Variants in INTS4 observed in about 807,000 individuals in gnomAD.
INTS4 encodes MSTP093.
In INTS4, 70 loss-of-function variants were observed where a neutral mutation model predicts 119.5. The observed-to-expected ratio is 0.59, with a 90% CI of 0.48 to 0.71. The LOEUF (loss-of-function observed/expected upper bound fraction) is 0.71. INTS4 is among the 30% of genes least tolerant of loss of function. The pLI is 0.00. For missense variants in INTS4, 867 were observed against 1,173.2 expected, an observed-to-expected ratio of 0.74 and a Z score of 3.81; for synonymous variants, 316 against 419.6, an observed-to-expected ratio of 0.75 and a Z score of 3.02.
intron 8 of INTS4, 54 bp downstream of exon 8, chr11:77,955,887 GA>G (rs1253584655): frequency 3.3e-5 from 50 of 1,517,556 alleles, no homozygotes; most frequent in Non-Finnish European, 4.5e-5. Flanking sequence ...CATTTCTACA[GA>G]AAAGAAAATA....
chr11:77,894,008 A>G lies in INTS4; in HGVS notation c.2288+282T>C, dbSNP rs575115181. ...AAACGTATTTACACGTTTTCTTCAT[A>G]TTACTTGTCTTTTTATGGCCTAGCT... On this transcript the variant is annotated intron_variant, in intron 19 of 22. Transcript: ENST00000534064. Among the ~76,000 whole-genome samples, 4 of 152,304 alleles carry G rather than the reference A, an allele frequency of 2.6e-5. No individual in the cohort carries two copies. The East Asian group carries it at 7.7e-4, about 29-fold the overall frequency.
At chr11:77,874,518 A>C (rs1012150820), downstream of INTS4, among the ~76,000 whole-genome samples, 18 of 152,188 alleles carry the variant, frequency 1.2e-4, no homozygotes, top group East Asian at 7.7e-4. Context: ...AGTATCTGTC[A>C]GTGACATTAT....
intron 18 of INTS4, 134 bp from the exon 19 acceptor site, chr11:77,894,483 A>G: frequency 1.8e-6 from 1 of 542,356 alleles, no homozygotes; most frequent in South Asian, 2.5e-5. Flanking sequence ...TAAAAGTAAC[A>G]GAAGACTCCT....
In INTS4 at chr11:77,918,932, A is replaced by G. The variant is rs1281740778; in HGVS notation, c.1811T>C (p.Ile604Thr). Residue 604 changes from isoleucine to threonine, a missense_variant, in exon 15 of 23, where the codon ATA (isoleucine) becomes ACA (threonine). Ile to Thr is a moderately conservative substitution (Grantham distance 89). This residue lies in a region of INTS4 where 262 missense variants were observed against 376.0 expected (regional missense o/e 0.70). Coordinates refer to ENST00000534064, the MANE Select transcript of INTS4 (RefSeq NM_033547.4). ...CTGCTGGGAAGGATCCTCTTGAGGT[A>G]TGATGCTGGGAGAAACAGCTGATGA... ...LVSSAVSPSI[I>T]PQEDPSQQFL... 2.0e-5 allele frequency: 33 copies of G among 1,613,858 alleles called. No homozygotes were observed. The highest frequency in any genetic ancestry group is 2.6e-5 in the Non-Finnish European group (31 of 1,179,874).
intron 15 of INTS4, among the ~76,000 whole-genome samples, chr11:77,917,863 C>T (rs1200248455): frequency 2.6e-5 from 4 of 151,714 alleles, no homozygotes; most frequent in African/African-American, 9.7e-5. Context: ...TTAGAGTCAT[C>T]GCATGTAAAC....
intron 14 of INTS4, among the ~76,000 whole-genome samples, chr11:77,919,799 T>C (rs1303418953): frequency 6.6e-6 from 1 of 152,206 alleles, no homozygotes. Flanking sequence ...ACTTTTCATT[T>C]TGTATCTACT....
intron 8 of INTS4, among the ~76,000 whole-genome samples, chr11:77,954,231 C>A (rs1213517213): frequency 2.0e-5 from 3 of 152,172 alleles, no homozygotes; most frequent in Non-Finnish European, 4.4e-5. Context: ...GGATAACTTA[C>A]TTAACTCCTC....
At chr11:77,944,627 G>C (rs1048042710) in intron 8 of INTS4, among the ~76,000 whole-genome samples, 1 of 152,160 alleles carries the variant, frequency 6.6e-6, no homozygotes, top group African/African-American at 2.4e-5. Flanking sequence ...GATGTTTGTC[G>C]ATTTGCTGAA....
intron 1 of INTS4, among the ~76,000 whole-genome samples, chr11:77,992,030 C>T (rs1856710391): frequency 6.6e-6 from 1 of 150,804 alleles, no homozygotes; most frequent in African/African-American, 2.4e-5. Context: ...TGCCATGTTA[C>T]CCAGGCTGGT....
intron 4 of INTS4, chr11:77,963,355 AAAAAAAAAAAAAAAAAAAAC>A (rs1471829509): frequency 3.0e-6 from 1 of 328,254 alleles, no homozygotes; most frequent in Admixed American, 4.6e-5. Context: ...TCCGTCTCAA[AAAAAAAAAAAAAAAAAAAAC>A]AAAAAAAACT....
chr11:77,919,089 GA>G, intron 14 of INTS4, 111 bp from the exon 15 acceptor site: 5 of 1,090,792 alleles, frequency 4.6e-6, no homozygotes, highest in Non-Finnish European at 5.4e-6. Flanking sequence ...AAACAAAGGG[GA>G]AAAAAGGCTA....
chr11:77,942,716 T>A (rs1953958146), intron 8 of INTS4, among the ~76,000 whole-genome samples: 2 of 152,172 alleles, frequency 1.3e-5, no homozygotes, highest in Admixed American at 1.3e-4. Flanking sequence ...GCAAAAAGAC[T>A]AGTTTCAGAG....
At chr11:77,974,163 C>T (rs866850418) in intron 4 of INTS4, among the ~76,000 whole-genome samples, 13 of 151,194 alleles carry the variant, frequency 8.6e-5, no homozygotes, top group African/African-American at 2.9e-4. Flanking sequence ...TAGTCATTTT[C>T]AGTAGTTTTT....
At chr11:77,875,678 A>C (rs1039122473), downstream of INTS4, among the ~76,000 whole-genome samples, 3 of 152,178 alleles carry the variant, frequency 2.0e-5, no homozygotes, top group African/African-American at 7.2e-5. Context: ...TAAATACTAT[A>C]CTATGTGTGA....
intron 1 of INTS4, 84 bp from the exon 2 acceptor site, chr11:77,991,383 C>T (rs1856682823): frequency 9.4e-7 from 1 of 1,059,712 alleles, no homozygotes; most frequent in African/African-American, 1.6e-5. Flanking sequence ...TCCATTATAC[C>T]AAATAATATA....
At position 77,891,379 on chromosome 11, in the gene INTS4, G is replaced by C; in HGVS notation, c.2532C>G (p.Ala844=). Residue 844 remains alanine (A), a synonymous_variant, in exon 21 of 23, where the codon GCC becomes GCG. Coordinates refer to ENST00000534064, the MANE Select transcript of INTS4 (RefSeq NM_033547.4). The part of the protein sequence containing the change: ...PLRFTSGLVV[A]LDVDATLEHV... ...GCTCCAGGGTTGCATCAACATCCAG[G>C]GCAACCACCAACCCAGAGGTAAACC... The C allele has an allele frequency of 6.2e-7, 1 of 1,611,858 alleles. No individual in the cohort carries two copies. Among genetic ancestry groups the C allele is most frequent in the Non-Finnish European group, 8.5e-7 (1 of 1,179,016 alleles).
intron 3 of INTS4, among the ~76,000 whole-genome samples, chr11:77,980,153 T>C (rs914890880): frequency 7.1e-6 from 1 of 139,946 alleles, no homozygotes; most frequent in African/African-American, 2.8e-5. Flanking sequence ...CACTCTTTTT[T>C]CCAACTACTT....
chr11:77,885,357 G>A (rs889303043), intron 21 of INTS4, among the ~76,000 whole-genome samples: 2 of 151,892 alleles, frequency 1.3e-5, no homozygotes, highest in Non-Finnish European at 2.9e-5. Context: ...GATTACAGGC[G>A]TGAGCCACCA....
intron 15 of INTS4, among the ~76,000 whole-genome samples, chr11:77,911,670 T>C (rs1315309953): frequency 6.6e-6 from 1 of 152,254 alleles, no homozygotes; most frequent in Non-Finnish European, 1.5e-5. Context: ...GTCCCAGTGT[T>C]ACCTCTCTTT....
Sources: gnomAD v4.1 joint callset for allele counts (sites outside exome capture counted in the v4.1 genomes callset) on GRCh38, gnomAD v4.1.1 for gene constraint, gnomAD v4.1.1 regional missense constraint, MANE v1.5 for transcripts, NCBI Gene and HGNC (gene_info 2026-07-23, HGNC 2026-07-21) for gene names.